The following PFKL variants were observed in gnomAD, a reference collection of about 807,000 sequenced individuals.
PFKL encodes the protein ATP-dependent 6-phosphofructokinase, liver type.
Under a neutral mutation model 92.1 loss-of-function variants are expected in PFKL, and 74 were observed. That is an observed-to-expected ratio of 0.80 (90% CI 0.67 to 0.97). PFKL has a LOEUF of 0.97. PFKL is among the 50% of genes least tolerant of loss of function. PFKL has a pLI of 0.00. For missense variants in PFKL, 1,028 were observed against 1,116.6 expected (o/e 0.92, Z 1.13); for synonymous variants, 494 against 456.4 (o/e 1.08, Z -1.05).
At chr21:44,312,389 C>T (rs567743506) in intron 4 of PFKL, 95 bp downstream of exon 4, 11 of 1,203,598 alleles carry the variant, frequency 9.1e-6, no homozygotes, top group Middle Eastern at 2.8e-4. Context: ...CGAGGGATCC[C>T]TGGGTGCCCC....
In PFKL at chr21:44,324,633, C is replaced by T. The variant is rs765223915; in HGVS notation, c.1793C>T (p.Pro598Leu). The change falls in exon 17 of 22, where the codon CCT (proline) becomes CTT (leucine). Residue 598 changes from proline (P) to leucine (L), a missense_variant. Transcript: ENST00000349048. ...GADAAYVFED[P>L]FNIHDLKVNV... ...GACGCCGCCTACGTCTTCGAGGACCCTTTCAACATCCACGACTTAAAGGTG... is the reference window on the plus strand; with the variant it reads ...GACGCCGCCTACGTCTTCGAGGACCTTTTCAACATCCACGACTTAAAGGTG... 8 of 1,601,388 alleles carry T rather than the reference C, an allele frequency of 5.0e-6. No homozygotes were observed. The highest frequency in any genetic ancestry group is 1.7e-6 in the Non-Finnish European group (2 of 1,173,084).
intron 7 of PFKL, chr21:44,315,750 G>GC: frequency 4.9e-6 from 1 of 203,652 alleles, no homozygotes; most frequent in Non-Finnish European, 1.0e-5. Context: ...AGGGTGCAGG[G>GC]TGTCCGGGGA....
At chr21:44,309,779 TG>T (rs1319854359) in intron 2 of PFKL, among the ~76,000 whole-genome samples, 2 of 152,204 alleles carry the variant, frequency 1.3e-5, no homozygotes, top group African/African-American at 4.8e-5. Context: ...TGGCCTGGCC[TG>T]AGCCGGAGGA....
chr21:44,302,836 G>A (rs183178148), intron 1 of PFKL, among the ~76,000 whole-genome samples: 1 of 152,322 alleles, frequency 6.6e-6, no homozygotes, highest in Non-Finnish European at 1.5e-5. Context: ...GTGTGGCTCT[G>A]GGTCACGCCT....
chr21:44,304,592 C>T, intron 1 of PFKL: 3 of 1,012,238 alleles, frequency 3.0e-6, no homozygotes, highest in Non-Finnish European at 3.7e-6. Flanking sequence ...CAGGGCGCTG[C>T]ACTCACAGCA....
rs1008998530 is a variant in PFKL at position 44,321,823 on chromosome 21, GAC to G, written c.1292_1293del (p.Thr431SerfsTer68). 4.4e-6 allele frequency: 7 copies of G among 1,601,646 alleles called. No individual in the cohort carries two copies. The highest frequency in any genetic ancestry group is 1.7e-5 in the Admixed American group (1 of 58,084). The stretch of plus-strand genomic sequence containing the variant: ...GCGGTGCGGACCGGCATCTCCCATG[GAC>G]ACACAGTATACGTGGTGCACGATGG... On this transcript the variant is annotated frameshift_variant, in exon 13 of 22. Coordinates refer to ENST00000349048, the MANE Select transcript of PFKL (RefSeq NM_002626.6). LOFTEE classifies it high-confidence loss of function.
intron 1 of PFKL, among the ~76,000 whole-genome samples, chr21:44,301,710 C>T (rs963718783): frequency 1.3e-5 from 2 of 152,040 alleles, no homozygotes; most frequent in Non-Finnish European, 2.9e-5. Flanking sequence ...CCCGCCTGCC[C>T]ACCAGGGAGG....
chr21:44,305,536 C>T lies in PFKL; in HGVS notation c.86-1145C>T, dbSNP rs2040909938. On this transcript the variant is annotated intron_variant, in intron 1 of 21. Transcript: ENST00000349048. The stretch of plus-strand genomic sequence containing the variant: ...AGGGATGGATGGCATGGTATGGGTG[C>T]TGGGAGGGAGGCAGGAAGAGCAGGG... 3.1e-6 allele frequency: 3 copies of T among 965,758 alleles called. No individual in the cohort carries two copies. In the South Asian group the frequency reaches 4.4e-5, roughly 14 times the overall value. The allele number at this position is 965,758 out of a possible 1,614,324, so 59.8% of individuals were successfully genotyped here.
chr21:44,306,045 C>T, intron 1 of PFKL: 1 of 976,580 alleles, frequency 1.0e-6, no homozygotes. Flanking sequence ...GGAGCCCAAG[C>T]CCCTTCCAGC....
rs1371867936 is a variant in PFKL, at chr21:44,312,174, T to C, written c.307T>C (p.Tyr103His). 6.2e-7 allele frequency: 1 copy of C among 1,600,928 alleles called. No homozygotes were observed. Among genetic ancestry groups the C allele is most frequent in the African/African-American group, 1.3e-5 (1 of 74,398 alleles). The change falls in exon 4 of 22, where the codon TAC becomes CAC. Residue 103 changes from tyrosine (Y) to histidine (H), a missense_variant. Tyr to His is a moderately conservative substitution (Grantham distance 83). Transcript: ENST00000349048. Reference sequence around the variant, plus strand: ...CAGGGAGGGGCGCCGGGCAGCGGCCTACAACCTGGTCCAGCACGGCATCAC... The same window carrying C: ...CAGGGAGGGGCGCCGGGCAGCGGCCCACAACCTGGTCCAGCACGGCATCAC... The part of the protein sequence containing the change: ...TTREGRRAAA[Y>H]NLVQHGITNL...
At position 44,313,035 on chromosome 21, in the gene PFKL, T is replaced by C. The variant is rs779820242; in HGVS notation, c.485T>C (p.Val162Ala). The C allele has an allele frequency of 6.2e-7, 1 of 1,613,168 alleles. No individual in the cohort carries two copies. The highest frequency in any genetic ancestry group is 8.5e-7 in the Non-Finnish European group (1 of 1,179,918). The change falls in exon 5 of 22, where the codon GTG becomes GCG. Residue 162 changes from valine (V) to alanine (A), a missense_variant. Transcript: ENST00000349048. ...TYSHLNIAGL[V>A]GSIDNDFCGT... ...TCGCACCTGAACATCGCGGGCCTAGTGGGCTCCATCGATAACGACTTCTGC... is the reference window on the plus strand; with the variant it reads ...TCGCACCTGAACATCGCGGGCCTAGCGGGCTCCATCGATAACGACTTCTGC...
At chr21:44,310,079 GC>G (rs886752983) in intron 2 of PFKL, among the ~76,000 whole-genome samples, 3 of 152,232 alleles carry the variant, frequency 2.0e-5, no homozygotes, top group African/African-American at 7.2e-5. Context: ...CTGCTCCACT[GC>G]CTCACCTCAC....
chr21:44,305,751 G>C (rs745703093), intron 1 of PFKL: 1 of 1,359,252 alleles, frequency 7.4e-7, no homozygotes, highest in African/African-American at 1.5e-5. Flanking sequence ...GGGTACATTA[G>C]CACCAGCGTT....
rs1290047233 is a variant in PFKL at position 44,311,044 on chromosome 21, G to A, written c.198G>A (p.Lys66=). The A allele has an allele frequency of 1.2e-6, 2 of 1,613,158 alleles. No homozygotes were observed. The highest frequency in any genetic ancestry group is 1.7e-6 in the Non-Finnish European group (2 of 1,179,628). Residue 66 remains lysine, a synonymous_variant, in exon 3 of 22, where the codon AAG becomes AAA. Transcript: ENST00000349048. ...EGLVEGGENI[K]QANWLSVSNI... is the part of the protein sequence containing the mutation. ...TCGTGGAGGGAGGTGAGAACATCAA[G>A]CAGGCCAACTGGCTGAGCGTCTCCA...
chr21:44,319,427 C>T lies in PFKL; in HGVS notation c.1127+12C>T, dbSNP rs369517244. 8.7e-6 allele frequency: 14 copies of T among 1,609,900 alleles called. 1 individual carries two copies. The African/African-American group carries it at 1.6e-4, about 18-fold the overall frequency. ...CAGCTCCGTGGTGGGTAAGCCCCCT[C>T]AGCAGACCCCTGCACTCTTACATGG... is the stretch of plus-strand genomic sequence containing the variant. On this transcript the variant is annotated intron_variant, in intron 11 of 21. Transcript: ENST00000349048.
chr21:44,324,661 C>T lies in PFKL; in HGVS notation c.1815+6C>T, dbSNP rs940243918. On this transcript the variant is annotated splice_donor_region_variant and intron_variant, in intron 17 of 21. Transcript: ENST00000349048. ...TCAACATCCACGACTTAAAGGTGAG[C>T]CCAGCCCAGCCCCTGCTGCGGCAGA... 2 of 1,572,116 alleles carry T rather than the reference C, an allele frequency of 1.3e-6. No homozygotes were observed. The highest frequency in any genetic ancestry group is 1.7e-6 in the Non-Finnish European group (2 of 1,156,636).
At chr21:44,306,571 G>A in intron 1 of PFKL, 110 bp from the exon 2 acceptor site, 1 of 882,044 alleles carries the variant, frequency 1.1e-6, no homozygotes, top group South Asian at 1.5e-5. Flanking sequence ...CGCCCTCTGA[G>A]ATGGACAGGG....
At chr21:44,322,077 G>T in intron 13 of PFKL, 56 bp from the exon 14 acceptor site, 1 of 1,554,830 alleles carries the variant, frequency 6.4e-7, no homozygotes, top group Non-Finnish European at 8.7e-7. Context: ...CCCACCCCTG[G>T]GGGGAATTGG....
chr21:44,322,708 C>T (rs538784787), intron 14 of PFKL, among the ~76,000 whole-genome samples: 3 of 152,274 alleles, frequency 2.0e-5, no homozygotes, highest in East Asian at 1.9e-4. Context: ...GGGGTTCCCA[C>T]GGGGAGCCCA....
Sources: allele counts gnomAD v4.1 joint callset (sites outside exome capture counted in the v4.1 genomes callset), GRCh38; gene constraint gnomAD v4.1.1; transcripts MANE v1.5; gene names NCBI Gene and HGNC (gene_info 2026-07-23, HGNC 2026-07-21).